The following ZDHHC16 variants were observed in gnomAD, a reference collection of about 807,000 sequenced individuals.
The protein encoded by ZDHHC16 is palmitoyltransferase ZDHHC16.
ZDHHC16 carries 33 observed loss-of-function variants against 54.4 expected under a neutral mutation model. The observed-to-expected ratio is 0.61, with a 90% CI of 0.46 to 0.81. The LOEUF is 0.81. Ranked by LOEUF, ZDHHC16 falls within the 30% of genes least tolerant of loss-of-function variation. The pLI is 0.00. For missense variants in ZDHHC16, 420 were observed against 485.9 expected (o/e 0.86, Z 1.28); for synonymous variants, 185 against 182.1 (o/e 1.02, Z -0.13).
In ZDHHC16 at chr10:97,453,641, G is replaced by A. The variant is rs137941284; in HGVS notation, c.668G>A (p.Arg223Gln). 17 of 1,614,156 alleles carry A rather than the reference G, an allele frequency of 1.1e-5. No homozygotes were observed. The highest frequency in any genetic ancestry group is 8.3e-5 in the Admixed American group (5 of 60,032). The change falls in exon 7 of 12, where the codon CGG (arginine) becomes CAG (glutamine). Residue 223 changes from arginine to glutamine, a missense_variant. Coordinates refer to ENST00000393760, the MANE Select transcript of ZDHHC16 (RefSeq NM_198046.3). ...YCSYGSWDLF[R>Q]EAYAAIEKMK... is the part of the protein sequence containing the mutation. ...AGCTATGGAAGTTGGGACCTTTTCCGGGAGGCTTATGCTGCCATTGAGGTG... is the reference window on the plus strand; with the variant it reads ...AGCTATGGAAGTTGGGACCTTTTCCAGGAGGCTTATGCTGCCATTGAGGTG...
intron 9 of ZDHHC16, among the ~76,000 whole-genome samples, chr10:97,455,185 T>G (rs1289233304): frequency 2.0e-5 from 3 of 152,220 alleles, no homozygotes; most frequent in Non-Finnish European, 4.4e-5. Flanking sequence ...GCACTGGAAT[T>G]TGAATTTCAT....
chr10:97,453,688 C>T, intron 7 of ZDHHC16, 25 bp downstream of exon 7: 1 of 1,614,148 alleles, frequency 6.2e-7, no homozygotes, highest in Non-Finnish European at 8.5e-7. Context: ...AACAGGGCAG[C>T]TCAGTAGTGC....
chr10:97,456,316 C>T, intron 11 of ZDHHC16: 1 of 442,192 alleles, frequency 2.3e-6, no homozygotes, highest in Non-Finnish European at 4.0e-6. Flanking sequence ...ATATGGTGGC[C>T]ACCAGTCACC....
At chr10:97,451,413 C>T (rs1846596054) in intron 2 of ZDHHC16, among the ~76,000 whole-genome samples, 1 of 152,238 alleles carries the variant, frequency 6.6e-6, no homozygotes, top group African/African-American at 2.4e-5. Flanking sequence ...ATTTGCTATG[C>T]AACCATGTGG....
rs758218514 is a variant in ZDHHC16 at position 97,454,818 on chromosome 10, T to G, written c.824+19T>G. On this transcript the variant is annotated intron_variant, in intron 9 of 11. Coordinates refer to ENST00000393760, the MANE Select transcript of ZDHHC16 (RefSeq NM_198046.3). ...TGTGCAGGTATTTGTTTTTGATAGT[T>G]TTAAGGGAGGGGAAGCTTCAGAAAA... 1.9e-6 allele frequency: 3 copies of G among 1,612,036 alleles called. No homozygotes were observed. Among genetic ancestry groups the G allele is most frequent in the Non-Finnish European group, 2.5e-6 (3 of 1,178,770 alleles).
At chr10:97,452,606 T>A (rs1222588743) in intron 5 of ZDHHC16, 103 bp downstream of exon 5, 3 of 1,285,924 alleles carry the variant, frequency 2.3e-6, no homozygotes, top group Non-Finnish European at 3.3e-6. Flanking sequence ...GAATCACCCA[T>A]CGTGTCCCAG....
chr10:97,455,623 C>A (rs776744248), intron 9 of ZDHHC16, 37 bp from the exon 10 acceptor site: 2 of 1,614,204 alleles, frequency 1.2e-6, no homozygotes, highest in Non-Finnish European at 1.7e-6. Context: ...CCAGCCCTCT[C>A]TAAACTACCC....
intron 9 of ZDHHC16, among the ~76,000 whole-genome samples, chr10:97,455,335 C>T (rs1274081167): frequency 1.3e-5 from 2 of 152,166 alleles, no homozygotes; most frequent in Non-Finnish European, 2.9e-5. Context: ...TTTCCCTTAA[C>T]AACAACAGAG....
rs1846774168 is a variant in ZDHHC16, at chr10:97,452,848, T to TC, written c.528-46dup. ...GTAGGGAAGGATTGGCACTGACATC[T>TC]CAAGAACTTTGGCCACCGTAACAGA... On this transcript the variant is annotated intron_variant, in intron 5 of 11. Coordinates refer to ENST00000393760, the MANE Select transcript of ZDHHC16 (RefSeq NM_198046.3). The TC allele has an allele frequency of 1.9e-6, 3 of 1,613,904 alleles. No homozygotes were observed. The Admixed American group carries it at 5.0e-5, about 27-fold the overall frequency.
intron 1 of ZDHHC16, among the ~76,000 whole-genome samples, chr10:97,448,783 G>C (rs868303151): frequency 1.3e-5 from 2 of 152,094 alleles, no homozygotes; most frequent in Non-Finnish European, 2.9e-5. Context: ...AAGTGTTTAT[G>C]TGTAGCATTT....
intron 1 of ZDHHC16, chr10:97,448,392 C>T (rs1478441030): frequency 6.6e-6 from 1 of 152,148 alleles, no homozygotes; most frequent in Non-Finnish European, 1.5e-5. Context: ...TTTACACTTA[C>T]CAAAGAAGTT....
intron 9 of ZDHHC16, 66 bp downstream of exon 9, chr10:97,454,865 C>A: frequency 7.1e-7 from 1 of 1,409,802 alleles, no homozygotes; most frequent in Non-Finnish European, 1.0e-6. Flanking sequence ...GGTGCCCACA[C>A]GCAGGCAGAA....
Position 97,451,752 on chromosome 10 carries a change from G to A in ZDHHC16, c.77G>A (p.Arg26His), listed in dbSNP as rs1373163691. 3.1e-6 allele frequency: 5 copies of A among 1,613,890 alleles called. No individual in the cohort carries two copies. Among genetic ancestry groups the A allele is most frequent in the East Asian group, 4.5e-5 (2 of 44,882 alleles). The change falls in exon 3 of 12, where the codon CGC becomes CAC. Residue 26 changes from arginine (R) to histidine (H), a missense_variant. Coordinates refer to ENST00000393760, the MANE Select transcript of ZDHHC16 (RefSeq NM_198046.3). ...LRLLLLLGYR[R>H]RCPPLLRGLV... is the part of the protein sequence containing the mutation. ...CTCCTTCTGCTGCTGGGTTACAGGCGCCGCTGTCCACCTCTACTCCGGGGT... is the reference window on the plus strand; with the variant it reads ...CTCCTTCTGCTGCTGGGTTACAGGCACCGCTGTCCACCTCTACTCCGGGGT...
chr10:97,452,758 T>C, intron 5 of ZDHHC16, 137 bp from the exon 6 acceptor site: 2 of 1,232,706 alleles, frequency 1.6e-6, no homozygotes, highest in Non-Finnish European at 2.4e-6. Context: ...AGAGCTGGGT[T>C]TGAAGCAAGG....
In ZDHHC16 at chr10:97,455,986, C is replaced by A. The variant is rs200069011; in HGVS notation, c.961C>A (p.Pro321Thr). The stretch of plus-strand genomic sequence containing the variant: ...TTCTTGGCTCCAGGTATTTAGGAAT[C>A]CTTACAACTACGGCTGCTTGGACAA... ...LQAKGRVFRN[P>T]YNYGCLDNWK... The change falls in exon 11 of 12, where the codon CCT becomes ACT. Residue 321 changes from proline (P) to threonine (T), a missense_variant. Physicochemically the swap from Pro to Thr is conservative, Grantham distance 38. Coordinates refer to ENST00000393760, the MANE Select transcript of ZDHHC16 (RefSeq NM_198046.3). 1.2e-6 allele frequency: 2 copies of A among 1,614,096 alleles called. No individual in the cohort carries two copies. Among genetic ancestry groups the A allele is most frequent in the Non-Finnish European group, 1.7e-6 (2 of 1,179,998 alleles).
chr10:97,448,655 G>A (rs1373518394), intron 1 of ZDHHC16, among the ~76,000 whole-genome samples: 1 of 152,208 alleles, frequency 6.6e-6, no homozygotes, highest in Non-Finnish European at 1.5e-5. Context: ...TACTTGGGAG[G>A]CTGAGGCAGG....
intron 1 of ZDHHC16, among the ~76,000 whole-genome samples, chr10:97,449,401 C>T (rs1343821313): frequency 6.6e-6 from 1 of 152,110 alleles, no homozygotes; most frequent in Non-Finnish European, 1.5e-5. Flanking sequence ...CCAAAAGCCA[C>T]CTAGATTTGT....
chr10:97,447,030 C>T (rs1228433791), intron 1 of ZDHHC16, among the ~76,000 whole-genome samples: 1 of 152,198 alleles, frequency 6.6e-6, no homozygotes, highest in South Asian at 2.1e-4. Context: ...TTTTAAACTG[C>T]AGCTTCCAGT....
Position 97,454,720 on chromosome 10 carries a change from C to T in ZDHHC16, c.745C>T (p.His249Tyr). The change falls in exon 9 of 12, where the codon CAC becomes TAC. Residue 249 changes from histidine to tyrosine, a missense_variant. Coordinates refer to ENST00000393760, the MANE Select transcript of ZDHHC16 (RefSeq NM_198046.3). The part of the protein sequence containing the change: ...KLQAVANQTY[H>Y]QTPPPTFSFR... The stretch of plus-strand genomic sequence containing the variant: ...TGCTGTTTTCTTTTTCTAGACTTAT[C>T]ACCAGACCCCACCACCCACCTTCTC... The T allele has an allele frequency of 6.2e-7, 1 of 1,614,192 alleles. No homozygotes were observed. The highest frequency in any genetic ancestry group is 1.1e-5 in the South Asian group (1 of 91,090).
Sources: allele counts gnomAD v4.1 joint callset (sites outside exome capture counted in the v4.1 genomes callset), GRCh38; gene constraint gnomAD v4.1.1; transcripts MANE v1.5; gene names NCBI Gene and HGNC (gene_info 2026-07-23, HGNC 2026-07-21).